PDE1A: variants seen among roughly 807,000 people sequenced by gnomAD.
The protein encoded by PDE1A is phosphodiesterase 1A, also known as dual specificity calcium/calmodulin-dependent 3',5'-cyclic nucleotide phosphodiesterase 1A.
PDE1A carries 35 observed loss-of-function variants against 61.7 expected under a neutral mutation model. That is an observed-to-expected ratio of 0.57 (90% CI 0.43 to 0.75). The LOEUF is 0.75. PDE1A is among the 30% of genes least tolerant of loss of function. The pLI, the probability that PDE1A is intolerant of heterozygous loss-of-function variation, is 0.00. For synonymous variants in PDE1A, 232 were observed against 213.2 expected, an observed-to-expected ratio of 1.09 and a Z score of -0.77; for missense variants, 597 against 630.6, an observed-to-expected ratio of 0.95 and a Z score of 0.57.
chr2:182,263,716 AC>A (rs1220836703), intron 2 of PDE1A, among the ~76,000 whole-genome samples: 2 of 152,180 alleles, frequency 1.3e-5, no homozygotes, highest in Non-Finnish European at 2.9e-5. Context: ...CAGGGGGTGA[AC>A]AGCCTCTTTG....
chr2:182,405,880 A>G (rs1046845650), intron 1 of PDE1A, among the ~76,000 whole-genome samples: 1 of 152,118 alleles, frequency 6.6e-6, no homozygotes, highest in African/African-American at 2.4e-5. Context: ...ACCCATAAAT[A>G]TATGCAATTA....
the PDE1A span, among the ~76,000 whole-genome samples, chr2:182,658,065 A>AAC: frequency 1.9e-5 from 2 of 106,902 alleles, no homozygotes; most frequent in African/African-American, 3.3e-5. Context: ...AAAAAAAAAA[A>AAC]AAAAAAACAA....
the PDE1A span, among the ~76,000 whole-genome samples, chr2:182,679,191 A>AT: frequency 6.2e-3 from 858 of 138,224 alleles, 13 homozygotes; most frequent in African/African-American, 0.022. Flanking sequence ...TATTATTATT[A>AT]TTTTTTTTTT....
chr2:182,636,784 T>C, the PDE1A span, among the ~76,000 whole-genome samples: 31 of 152,320 alleles, frequency 2.0e-4, no homozygotes, highest in South Asian at 4.1e-4. Flanking sequence ...CTGGACACTC[T>C]AGGGAAGAAT....
intron 2 of PDE1A, among the ~76,000 whole-genome samples, chr2:182,450,314 T>G (rs1559474657): frequency 6.6e-6 from 1 of 152,070 alleles, no homozygotes; most frequent in Non-Finnish European, 1.5e-5. Flanking sequence ...AGGAAAAGAA[T>G]GGAAGAAATG....
At chr2:182,212,370 T>C (rs189110578) in intron 7 of PDE1A, among the ~76,000 whole-genome samples, 1 of 152,262 alleles carries the variant, frequency 6.6e-6, no homozygotes, top group Admixed American at 6.5e-5. Context: ...ACACTTAAAA[T>C]CTACTCTTGG....
At chr2:182,203,393 T>G (rs1300914955) in intron 8 of PDE1A, among the ~76,000 whole-genome samples, 1 of 152,192 alleles carries the variant, frequency 6.6e-6, no homozygotes, top group Admixed American at 6.5e-5. Context: ...TTCTATTGAA[T>G]TTTTAGATAG....
chr2:182,558,869 G>A, the PDE1A span, among the ~76,000 whole-genome samples: 34 of 152,204 alleles, frequency 2.2e-4, no homozygotes, highest in Non-Finnish European at 4.0e-4. Context: ...AGATCAGAAT[G>A]TGGGCTTGAA....
chr2:182,228,019 A>T (rs1230265303), intron 6 of PDE1A, among the ~76,000 whole-genome samples: 1 of 152,124 alleles, frequency 6.6e-6, no homozygotes, highest in Non-Finnish European at 1.5e-5. Flanking sequence ...CCTCTAATGC[A>T]AATGTTTTCT....
intron 7 of PDE1A, among the ~76,000 whole-genome samples, chr2:182,221,491 C>T (rs1354841069): frequency 1.3e-5 from 2 of 152,042 alleles, no homozygotes; most frequent in Admixed American, 6.6e-5. Context: ...CAAAAATCTC[C>T]CTATACTCTG....
the PDE1A span, among the ~76,000 whole-genome samples, chr2:182,626,884 C>CATATATATAT: frequency 5.4e-5 from 1 of 18,504 alleles, no homozygotes; most frequent in African/African-American, 1.5e-4. Flanking sequence ...TATATATATA[C>CATATATATAT]ACATATATAT....
chr2:182,528,797 G>A, the PDE1A span, among the ~76,000 whole-genome samples: 7 of 152,374 alleles, frequency 4.6e-5, no homozygotes, highest in East Asian at 1.4e-3. Flanking sequence ...CCAAGGTACA[G>A]CTCAGGCCAT....
chr2:182,235,358 G>C (rs1473251749), intron 3 of PDE1A, among the ~76,000 whole-genome samples: 1 of 152,130 alleles, frequency 6.6e-6, no homozygotes, highest in African/African-American at 2.4e-5. Context: ...TGGTCAGGCT[G>C]GTCTCAAACT....
At chr2:182,547,011 G>A in the PDE1A span, among the ~76,000 whole-genome samples, 1 of 152,112 alleles carries the variant, frequency 6.6e-6, no homozygotes, top group East Asian at 1.9e-4. Context: ...TGATTAAGAG[G>A]CACTCGCAGC....
At chr2:182,221,825 C>T (rs987104836) in intron 7 of PDE1A, among the ~76,000 whole-genome samples, 2 of 152,008 alleles carry the variant, frequency 1.3e-5, no homozygotes, top group Admixed American at 1.3e-4. Flanking sequence ...CTGCCACTGC[C>T]ATCACCTGAC....
exon 11 of PDE1A, chr2:182,188,981 A>G: frequency 1.9e-6 from 3 of 1,606,908 alleles, no homozygotes; most frequent in East Asian, 2.2e-5. Flanking sequence ...AGAATTACCT[A>G]TTTGTGACTG....
At chr2:182,564,436 A>G in the PDE1A span, among the ~76,000 whole-genome samples, 2 of 152,138 alleles carry the variant, frequency 1.3e-5, no homozygotes, top group Non-Finnish European at 2.9e-5. Flanking sequence ...TGTTAGTCTG[A>G]TGGGCTTCCC....
the PDE1A span, among the ~76,000 whole-genome samples, chr2:182,629,079 T>G: frequency 6.6e-6 from 1 of 152,104 alleles, no homozygotes; most frequent in African/African-American, 2.4e-5. Flanking sequence ...CTCTGAGACA[T>G]AAGGGTGGCC....
At chr2:182,686,696 G>A in the PDE1A span, among the ~76,000 whole-genome samples, 2 of 152,218 alleles carry the variant, frequency 1.3e-5, no homozygotes, top group African/African-American at 4.8e-5. Flanking sequence ...GACAGTGGGT[G>A]CAGTGCACCG....
Sources: allele counts gnomAD v4.1 joint callset (sites outside exome capture counted in the v4.1 genomes callset), GRCh38; gene constraint gnomAD v4.1.1; transcripts MANE v1.5; gene names NCBI Gene and HGNC (gene_info 2026-07-23, HGNC 2026-07-21).